Variants in TBC1D5 observed in about 807,000 individuals in gnomAD.
TBC1D5 encodes the protein TBC1 domain family member 5, also known as TBC1 domain family, member 5.
A neutral mutation model predicts 100.3 loss-of-function variants in TBC1D5; 75 were observed. The ratio of observed to expected loss-of-function variants is 0.75; its 90% confidence interval spans 0.62 to 0.91. TBC1D5 has a LOEUF of 0.91. Among genes scored for constraint, TBC1D5 ranks in the 40% least tolerant of loss-of-function variants. TBC1D5 has a pLI of 0.00. For missense variants in TBC1D5, 910 were observed against 942.4 expected, an observed-to-expected ratio of 0.97 and a Z score of 0.45; for synonymous variants, 323 against 325.6, an observed-to-expected ratio of 0.99 and a Z score of 0.09.
intron 17 of TBC1D5, among the ~76,000 whole-genome samples, chr3:17,222,795 T>C (rs552118087): frequency 6.6e-6 from 1 of 152,164 alleles, no homozygotes; most frequent in East Asian, 1.9e-4. Context: ...GAAATTCTCT[T>C]TATTACTCCT....
intron 1 of TBC1D5, among the ~76,000 whole-genome samples, chr3:17,633,207 C>T (rs977300320): frequency 1.3e-5 from 2 of 152,054 alleles, no homozygotes; most frequent in African/African-American, 2.4e-5. Flanking sequence ...GAGGCCGAGG[C>T]GAGTGGATCA....
At chr3:17,688,542 C>A (rs2070657674) in intron 1 of TBC1D5, among the ~76,000 whole-genome samples, 1 of 152,214 alleles carries the variant, frequency 6.6e-6, no homozygotes, top group Non-Finnish European at 1.5e-5. Context: ...CTGATTTAAA[C>A]AATGGCATGG....
intron 13 of TBC1D5, among the ~76,000 whole-genome samples, chr3:17,352,135 T>C (rs541825943): frequency 1.3e-5 from 2 of 152,194 alleles, no homozygotes; most frequent in South Asian, 2.1e-4. Flanking sequence ...TTAAAGCCAA[T>C]TCCTACTGAT....
intron 2 of TBC1D5, among the ~76,000 whole-genome samples, chr3:17,597,935 T>C (rs1196278140): frequency 6.6e-6 from 1 of 152,184 alleles, no homozygotes; most frequent in Admixed American, 6.5e-5. Context: ...TGGTTCCATA[T>C]AGGCTCAAGC....
At chr3:17,209,248 G>A (rs1033558899) in intron 18 of TBC1D5, among the ~76,000 whole-genome samples, 13 of 152,172 alleles carry the variant, frequency 8.5e-5, no homozygotes, top group Non-Finnish European at 1.9e-4. Context: ...CCAGACTCAG[G>A]TGATCCTTTT....
chr3:17,494,329 T>A (rs563161077), intron 3 of TBC1D5, among the ~76,000 whole-genome samples: 1 of 152,300 alleles, frequency 6.6e-6, no homozygotes, highest in South Asian at 2.1e-4. Flanking sequence ...TGATGCCAGC[T>A]GAAACATTTC....
chr3:17,493,838 A>G (rs901128096), intron 3 of TBC1D5, among the ~76,000 whole-genome samples: 1 of 152,130 alleles, frequency 6.6e-6, no homozygotes, highest in Admixed American at 6.5e-5. Flanking sequence ...ATATTTTATC[A>G]TAGTTCTTAG....
intron 18 of TBC1D5, among the ~76,000 whole-genome samples, chr3:17,212,389 T>C (rs548775909): frequency 9.3e-4 from 141 of 152,344 alleles, no homozygotes; most frequent in African/African-American, 3.3e-3. Context: ...TATGTAAGTA[T>C]GGCACATACA....
intron 13 of TBC1D5, among the ~76,000 whole-genome samples, chr3:17,351,989 T>G (rs1575478856): frequency 6.9e-6 from 1 of 145,016 alleles, no homozygotes; most frequent in African/African-American, 2.5e-5. Flanking sequence ...TCATCTAACC[T>G]AAAGAGAAAC....
At chr3:17,304,608 G>A (rs923900507) in intron 14 of TBC1D5, among the ~76,000 whole-genome samples, 5 of 152,218 alleles carry the variant, frequency 3.3e-5, no homozygotes, top group Admixed American at 1.3e-4. Flanking sequence ...GTTTCACCAC[G>A]TGTCTCAGAC....
intron 2 of TBC1D5, among the ~76,000 whole-genome samples, chr3:17,521,192 A>G (rs549147001): frequency 6.6e-6 from 1 of 152,318 alleles, no homozygotes; most frequent in African/African-American, 2.4e-5. Context: ...ATTCTTAAAC[A>G]GTTCTGAGAC....
intron 14 of TBC1D5, among the ~76,000 whole-genome samples, chr3:17,298,882 CAG>C (rs1237202829): frequency 2.0e-5 from 3 of 152,126 alleles, no homozygotes; most frequent in African/African-American, 4.8e-5. Context: ...AGGCAGAACA[CAG>C]AGGATTTTTA....
intron 3 of TBC1D5, among the ~76,000 whole-genome samples, chr3:17,473,174 G>A (rs2095400156): frequency 2.6e-5 from 4 of 152,220 alleles, no homozygotes; most frequent in Admixed American, 2.6e-4. Context: ...AGGAGGCCGA[G>A]ACAGAAGGAT....
chr3:17,322,814 G>GA (rs2085595757), intron 13 of TBC1D5, among the ~76,000 whole-genome samples: 1 of 152,084 alleles, frequency 6.6e-6, no homozygotes, highest in Admixed American at 6.5e-5. Flanking sequence ...CACAGCAGTG[G>GA]AAAAAATCTT....
intron 13 of TBC1D5, among the ~76,000 whole-genome samples, chr3:17,326,789 AAG>A (rs2086209036): frequency 6.6e-6 from 1 of 152,178 alleles, no homozygotes; most frequent in East Asian, 1.9e-4. Context: ...TTAGATATTA[AAG>A]AGTCATCTGA....
At chr3:17,429,625 C>A (rs970738772) in intron 3 of TBC1D5, among the ~76,000 whole-genome samples, 1 of 151,806 alleles carries the variant, frequency 6.6e-6, no homozygotes, top group Non-Finnish European at 1.5e-5. Flanking sequence ...AATTACAGAG[C>A]TTTCACTTTA....
At chr3:17,551,353 G>GT (rs1237894333) in intron 2 of TBC1D5, among the ~76,000 whole-genome samples, 1 of 152,112 alleles carries the variant, frequency 6.6e-6, no homozygotes, top group Non-Finnish European at 1.5e-5. Context: ...TATTTAAGGT[G>GT]TATGTCTGCT....
intron 15 of TBC1D5, among the ~76,000 whole-genome samples, chr3:17,265,861 A>T (rs1257973255): frequency 1.3e-5 from 2 of 151,862 alleles, no homozygotes; most frequent in Non-Finnish European, 2.9e-5. Context: ...TTATAGTTTT[A>T]TAGAAAACAA....
chr3:17,528,223 C>G (rs564558812), intron 2 of TBC1D5, among the ~76,000 whole-genome samples: 1 of 152,270 alleles, frequency 6.6e-6, no homozygotes, highest in African/African-American at 2.4e-5. Flanking sequence ...CCGTACCCAG[C>G]CCCCAGTGCA....
Sources: allele counts gnomAD v4.1 joint callset (sites outside exome capture counted in the v4.1 genomes callset), GRCh38; gene constraint gnomAD v4.1.1; transcripts MANE v1.5; gene names NCBI Gene and HGNC (gene_info 2026-07-23, HGNC 2026-07-21).